The following CAMK4 variants were observed in gnomAD, a reference collection of about 807,000 sequenced individuals.
The protein encoded by CAMK4 is calcium/calmodulin-dependent protein kinase type IV.
Under a neutral mutation model 44.9 loss-of-function variants are expected in CAMK4, and 22 were observed. The ratio of observed to expected loss-of-function variants is 0.49; its 90% CI spans 0.35 to 0.70. The LOEUF (loss-of-function observed/expected upper bound fraction) is 0.70. Ranked by LOEUF, CAMK4 falls within the 30% of genes least tolerant of loss-of-function variation. The probability of loss-of-function intolerance (pLI) is 0.01; values close to 1 mark genes in which losing one functional copy is unlikely to be tolerated. For synonymous variants in CAMK4, 218 were observed against 215.4 expected (o/e 1.01, Z -0.11); for missense variants, 498 against 586.8 (o/e 0.85, Z 1.56).
chr5:111,343,796 G>A (rs763306337), intron 1 of CAMK4, among the ~76,000 whole-genome samples: 14 of 151,668 alleles, frequency 9.2e-5, no homozygotes, highest in Admixed American at 2.0e-4. Context: ...TAGGGATAAG[G>A]CAGAAGGAAA....
At chr5:111,478,256 G>T in intron 8 of CAMK4, 125 bp from the exon 9 acceptor site, 1 of 519,380 alleles carries the variant, frequency 1.9e-6, no homozygotes. Context: ...GCATACTTAA[G>T]CTGAGTAGAC....
intron 8 of CAMK4, among the ~76,000 whole-genome samples, chr5:111,474,728 G>A (rs771565168): frequency 3.3e-4 from 50 of 150,134 alleles, no homozygotes; most frequent in Non-Finnish European, 5.1e-4. Flanking sequence ...CCACAAGCAC[G>A]TTAGCAAACT....
At chr5:111,313,444 T>A (rs1470029790) in intron 1 of CAMK4, among the ~76,000 whole-genome samples, 1 of 152,098 alleles carries the variant, frequency 6.6e-6, no homozygotes, top group African/African-American at 2.4e-5. Flanking sequence ...ACACAACTTT[T>A]CTCAAAAATA....
chr5:111,394,854 A>G, intron 5 of CAMK4, 72 bp downstream of exon 5: 1 of 959,004 alleles, frequency 1.0e-6, no homozygotes, highest in East Asian at 2.4e-5. Flanking sequence ...CATTTAAGAA[A>G]TGCGCATCTG....
intron 5 of CAMK4, among the ~76,000 whole-genome samples, chr5:111,422,539 T>C (rs1261952852): frequency 6.6e-6 from 1 of 152,246 alleles, no homozygotes; most frequent in Non-Finnish European, 1.5e-5. Flanking sequence ...AGTCTCATTC[T>C]GTACAAACGT....
At chr5:111,436,303 A>G (rs1329346449) in intron 5 of CAMK4, among the ~76,000 whole-genome samples, 2 of 152,190 alleles carry the variant, frequency 1.3e-5, no homozygotes, top group African/African-American at 4.8e-5. Flanking sequence ...TTCTAATCCA[A>G]TGAAAATATC....
intron 2 of CAMK4, among the ~76,000 whole-genome samples, chr5:111,362,332 C>T (rs1266501520): frequency 2.0e-5 from 3 of 151,934 alleles, no homozygotes; most frequent in Admixed American, 1.3e-4. Flanking sequence ...AGGAATCATT[C>T]ATGTCTAACA....
chr5:111,259,031 G>T (rs1423054048), intron 1 of CAMK4, among the ~76,000 whole-genome samples: 1 of 152,032 alleles, frequency 6.6e-6, no homozygotes, highest in Non-Finnish European at 1.5e-5. Context: ...TTGTCAAGTG[G>T]TAACTCATTT....
intron 5 of CAMK4, among the ~76,000 whole-genome samples, chr5:111,420,261 A>G (rs1752976080): frequency 6.6e-6 from 1 of 152,122 alleles, no homozygotes; most frequent in South Asian, 2.1e-4. Context: ...GGTGTATAAG[A>G]ATGCTGGTGA....
intron 1 of CAMK4, among the ~76,000 whole-genome samples, chr5:111,327,975 A>G (rs1183265658): frequency 9.7e-6 from 1 of 103,536 alleles, no homozygotes; most frequent in African/African-American, 4.7e-5. Flanking sequence ...GTTCACTCTG[A>G]TGGTAGTTTC....
At chr5:111,300,726 T>G (rs1017421422) in intron 1 of CAMK4, among the ~76,000 whole-genome samples, 6 of 152,170 alleles carry the variant, frequency 3.9e-5, no homozygotes, top group Admixed American at 1.3e-4. Context: ...TTAAATTGGC[T>G]GGAGAGAGAT....
chr5:111,281,465 T>C (rs962822085), intron 1 of CAMK4, among the ~76,000 whole-genome samples: 5 of 152,198 alleles, frequency 3.3e-5, no homozygotes, highest in African/African-American at 1.2e-4. Flanking sequence ...ATGGTATACA[T>C]AGTCTTTGTT....
intron 8 of CAMK4, among the ~76,000 whole-genome samples, chr5:111,476,974 A>C (rs999551609): frequency 3.3e-5 from 5 of 152,188 alleles, no homozygotes; most frequent in African/African-American, 1.2e-4. Context: ...CAGAAGGGGA[A>C]ATATAAGGAA....
At chr5:111,224,139 G>A (rs542509226), upstream of CAMK4, 29 of 206,608 alleles carry the variant, frequency 1.4e-4, no homozygotes, top group South Asian at 3.0e-3. The surrounding 1 kb of genome is among the most constrained non-coding windows in gnomAD (Gnocchi z 5.7). Flanking sequence ...CACAGCCTGG[G>A]AGAGAGAAAG....
At chr5:111,448,663 G>T (rs1015471360) in intron 6 of CAMK4, among the ~76,000 whole-genome samples, 1 of 152,066 alleles carries the variant, frequency 6.6e-6, no homozygotes, top group African/African-American at 2.4e-5. Flanking sequence ...AAAATTAGCC[G>T]GGTGTGGTGG....
intron 5 of CAMK4, among the ~76,000 whole-genome samples, chr5:111,400,274 A>G (rs1409407694): frequency 6.6e-6 from 1 of 152,242 alleles, no homozygotes; most frequent in African/African-American, 2.4e-5. Context: ...AATTTCCCTA[A>G]GAATTCCACA....
At chr5:111,439,941 G>A (rs549033583) in intron 5 of CAMK4, among the ~76,000 whole-genome samples, 1 of 152,186 alleles carries the variant, frequency 6.6e-6, no homozygotes, top group East Asian at 1.9e-4. Flanking sequence ...CAGGGTATTG[G>A]GTTTGATAGG....
chr5:111,401,232 G>A (rs1171998357), intron 5 of CAMK4, among the ~76,000 whole-genome samples: 2 of 152,092 alleles, frequency 1.3e-5, no homozygotes, highest in African/African-American at 2.4e-5. Flanking sequence ...TCTGCCTCCT[G>A]GGTTCAAGCA....
chr5:111,417,743 A>G (rs936645037), intron 5 of CAMK4, among the ~76,000 whole-genome samples: 7 of 152,192 alleles, frequency 4.6e-5, no homozygotes, highest in Non-Finnish European at 8.8e-5. Context: ...ACTTTGCAAT[A>G]AGATCTCCGT....
Sources: gnomAD v4.1 joint callset for allele counts (sites outside exome capture counted in the v4.1 genomes callset) on GRCh38, gnomAD v4.1.1 for gene constraint, Gnocchi (gnomAD v3.1) non-coding constraint, MANE v1.5 for transcripts, NCBI Gene and HGNC (gene_info 2026-07-23, HGNC 2026-07-21) for gene names.